The following FBXO38 variants were observed in gnomAD, a reference collection of about 807,000 sequenced individuals.
The protein encoded by FBXO38 is F-box only protein 38.
Under a neutral mutation model 131.9 loss-of-function variants are expected in FBXO38, and 53 were observed. The ratio of observed to expected loss-of-function variants is 0.40; its 90% CI spans 0.32 to 0.51. The LOEUF (loss-of-function observed/expected upper bound fraction) is 0.51, where lower values mean the gene tolerates loss of function less well. Among genes scored for constraint, FBXO38 ranks in the 20% least tolerant of loss-of-function variants. FBXO38 has a pLI of 0.53. For missense variants in FBXO38, 1,076 were observed against 1,475.6 expected, an observed-to-expected ratio of 0.73 and a Z score of 4.44; for synonymous variants, 452 against 505.6, an observed-to-expected ratio of 0.89 and a Z score of 1.42.
intron 17 of FBXO38, chr5:148,434,297 GTCTT>G (rs796421860): frequency 1.1e-4 from 16 of 152,074 alleles, no homozygotes; most frequent in African/African-American, 3.1e-4. Context: ...CACCTTTTAT[GTCTT>G]TCTTTATATA....
chr5:148,405,616 G>A (rs1355052971), intron 6 of FBXO38, among the ~76,000 whole-genome samples: 1 of 152,132 alleles, frequency 6.6e-6, no homozygotes, highest in South Asian at 2.1e-4. Flanking sequence ...CAGCCATACA[G>A]CTTTCCATCT....
At chr5:148,438,180 T>C (rs1754460127) in intron 17 of FBXO38, 152 bp from the exon 18 acceptor site, 3 of 601,888 alleles carry the variant, frequency 5.0e-6, no homozygotes, top group Non-Finnish European at 7.9e-6. Flanking sequence ...AACCACATTT[T>C]CAAATTTTTT....
chr5:148,402,537 C>A, intron 5 of FBXO38, 24 bp downstream of exon 5: 1 of 1,510,526 alleles, frequency 6.6e-7, no homozygotes, highest in Non-Finnish European at 9.0e-7. Context: ...TCTTGGGTCA[C>A]TTGTAACTCC....
chr5:148,420,808 G>A (rs1753374169), intron 12 of FBXO38, among the ~76,000 whole-genome samples: 1 of 151,928 alleles, frequency 6.6e-6, no homozygotes, highest in Non-Finnish European at 1.5e-5. Flanking sequence ...GGCTGTGTGA[G>A]GCCAGATAAT....
chr5:148,429,680 G>A (rs1290291131), intron 15 of FBXO38, among the ~76,000 whole-genome samples: 1 of 152,022 alleles, frequency 6.6e-6, no homozygotes, highest in Non-Finnish European at 1.5e-5. Flanking sequence ...CCTGTTTAGG[G>A]ACTGTTATGT....
chr5:148,421,723 A>G (rs1753447546), intron 12 of FBXO38, among the ~76,000 whole-genome samples: 1 of 152,180 alleles, frequency 6.6e-6, no homozygotes, highest in East Asian at 1.9e-4. Context: ...CAACAAAGGA[A>G]AAAAGTCAAA....
chr5:148,408,204 C>T (rs1240042091), intron 7 of FBXO38, among the ~76,000 whole-genome samples: 2 of 152,264 alleles, frequency 1.3e-5, no homozygotes, highest in East Asian at 1.9e-4. Context: ...TATGCCTACT[C>T]GTGACTAATA....
chr5:148,388,311 GGATTTTCA>G (rs1758023755), intron 1 of FBXO38, among the ~76,000 whole-genome samples: 2 of 152,132 alleles, frequency 1.3e-5, no homozygotes, highest in African/African-American at 4.8e-5. Flanking sequence ...AAGGGCCCTA[GGATTTTCA>G]GAATGGTTAG....
Position 148,427,495 on chromosome 5 carries a change from G to C in FBXO38, c.2201G>C (p.Gly734Ala), listed in dbSNP as rs745545823. ...GACTTTGTAAGGACGGTGAACAGCG[G>C]CGGCTCTTCCGAGCCTAGCCCTACA... is the stretch of plus-strand genomic sequence containing the variant. Reference protein sequence around the residue: ...SPDFVRTVNSGGSSEPSPTEV... With the variant: ...SPDFVRTVNSAGSSEPSPTEV... The change falls in exon 15 of 22, where the codon GGC (glycine) becomes GCC (alanine). Residue 734 changes from glycine to alanine, a missense_variant. Physicochemically the swap from Gly to Ala is moderately conservative, Grantham distance 60. Transcript: ENST00000340253. The C allele has an allele frequency of 2.7e-5, 43 of 1,614,084 alleles. No individual in the cohort carries two copies. In the South Asian group the frequency reaches 4.7e-4, roughly 18 times the overall value.
chr5:148,394,853 C>G lies in FBXO38; in HGVS notation c.77C>G (p.Thr26Arg). 1 of 1,601,644 alleles carries G rather than the reference C, an allele frequency of 6.2e-7. No individual in the cohort carries two copies. Residue 26 changes from threonine to arginine, a missense_variant, in exon 2 of 22, where the codon ACA becomes AGA. Thr to Arg is a moderately conservative substitution (Grantham distance 71, BLOSUM62 -1). Coordinates refer to ENST00000340253, the MANE Select transcript of FBXO38 (RefSeq NM_205836.3). ...CCAGAAGAAATGACAGCAGATGAAA[C>G]AAAGGACTATATGAATCAACTTTCA... ...EIPEEMTADE[T>R]KDYMNQLSHE... is the part of the protein sequence containing the mutation.
chr5:148,427,490 C>T lies in FBXO38; in HGVS notation c.2196C>T (p.Asn732=), dbSNP rs1436645762. 5.0e-6 allele frequency: 8 copies of T among 1,614,200 alleles called. No individual in the cohort carries two copies. Among genetic ancestry groups the T allele is most frequent in the East Asian group, 4.5e-5 (2 of 44,878 alleles). ...GCCCCGACTTTGTAAGGACGGTGAA[C>T]AGCGGCGGCTCTTCCGAGCCTAGCC... ...SQSPDFVRTV[N]SGGSSEPSPT... is the part of the protein sequence containing the mutation. Residue 732 remains asparagine (N), a synonymous_variant, in exon 15 of 22, where the codon AAC becomes AAT. Coordinates refer to ENST00000340253, the MANE Select transcript of FBXO38 (RefSeq NM_205836.3).
Position 148,409,923 on chromosome 5 carries a change from T to C in FBXO38, c.962+706T>C, listed in dbSNP as rs572046275. Among the ~76,000 whole-genome samples, 10 of 152,292 alleles carry C rather than the reference T, an allele frequency of 6.6e-5. No homozygotes were observed. The South Asian group carries it at 2.1e-3, about 32-fold the overall frequency. On this transcript the variant is annotated intron_variant, in intron 8 of 21. Transcript: ENST00000340253. ...ACATTAATAGCTAGCCTAAGCAAAA[T>C]GTCAAATACCAGCACCAGATGCAGA...
chr5:148,404,882 A>T, intron 6 of FBXO38, 60 bp downstream of exon 6: 1 of 1,427,468 alleles, frequency 7.0e-7, no homozygotes. Context: ...ATCCTGAAGC[A>T]AACTCTAGCT....
intron 9 of FBXO38, chr5:148,413,471 A>T (rs1307131945): frequency 6.6e-6 from 1 of 152,264 alleles, no homozygotes; most frequent in Non-Finnish European, 1.5e-5. Flanking sequence ...TTGGAGCGTG[A>T]GGGGGCAGGC....
Position 148,427,849 on chromosome 5 carries a change from C to G in FBXO38, c.2555C>G (p.Pro852Arg). 6.3e-7 allele frequency: 1 copy of G among 1,595,938 alleles called. No individual in the cohort carries two copies. Among genetic ancestry groups the G allele is most frequent in the Non-Finnish European group, 8.5e-7 (1 of 1,171,800 alleles). ...TGEDRRGSSQPESCDVQSNED... is the reference protein window; with the variant it reads ...TGEDRRGSSQRESCDVQSNED... ...GAGGACAGGAGGGGGAGCTCCCAGC[C>G]TGAGAGTTGTGACGTGCAGTCTAAT... The change falls in exon 15 of 22, where the codon CCT becomes CGT. Residue 852 changes from proline (P) to arginine (R), a missense_variant. Transcript: ENST00000340253.
At chr5:148,392,132 C>T (rs1758227277) in intron 1 of FBXO38, among the ~76,000 whole-genome samples, 1 of 152,108 alleles carries the variant, frequency 6.6e-6, no homozygotes, top group Non-Finnish European at 1.5e-5. Flanking sequence ...GGCATAGTGT[C>T]TGCTAAGCTT....
At chr5:148,399,817 C>G (rs1200341971) in intron 3 of FBXO38, among the ~76,000 whole-genome samples, 1 of 152,004 alleles carries the variant, frequency 6.6e-6, no homozygotes, top group East Asian at 1.9e-4. Flanking sequence ...AATTTAGTTA[C>G]TATTGTTTTG....
At chr5:148,400,665 G>T (rs75973388) in intron 3 of FBXO38, among the ~76,000 whole-genome samples, 2,964 of 152,124 alleles carry the variant, frequency 0.019, 104 homozygotes, top group African/African-American at 0.067. Context: ...TATGGTTTAC[G>T]TATATGATCT....
At chr5:148,423,162 C>A (rs1412222858) in intron 12 of FBXO38, among the ~76,000 whole-genome samples, 1 of 152,092 alleles carries the variant, frequency 6.6e-6, no homozygotes, top group East Asian at 1.9e-4. Context: ...ATATTCTGAC[C>A]TTATTCTATG....
Sources: gnomAD v4.1 joint callset for allele counts (sites outside exome capture counted in the v4.1 genomes callset) on GRCh38, gnomAD v4.1.1 for gene constraint, MANE v1.5 for transcripts, NCBI Gene and HGNC (gene_info 2026-07-23, HGNC 2026-07-21) for gene names.